VSTM2B: variants seen among roughly 807,000 people sequenced by gnomAD.
VSTM2B encodes V-set and transmembrane domain-containing protein 2B.
VSTM2B carries 24 observed loss-of-function variants against 24.0 expected under a neutral mutation model. That is an observed-to-expected ratio of 1.00 (90% CI 0.72 to 1.40). The LOEUF (loss-of-function observed/expected upper bound fraction) is 1.40. VSTM2B is among the 40% of genes most tolerant of loss of function. VSTM2B has a pLI of 0.00. For synonymous variants in VSTM2B, 226 were observed against 194.4 expected (o/e 1.16, Z -1.35); for missense variants, 399 against 416.4 (o/e 0.96, Z 0.36).
At chr19:29,539,752 G>A (rs1969981037) in intron 4 of VSTM2B, among the ~76,000 whole-genome samples, 1 of 152,282 alleles carries the variant, frequency 6.6e-6, no homozygotes, top group South Asian at 2.1e-4. Context: ...CGAGGCTAGT[G>A]AGAAGAATGC....
chr19:29,530,431 G>A (rs1969723737), intron 4 of VSTM2B, 141 bp downstream of exon 4: 2 of 711,046 alleles, frequency 2.8e-6, no homozygotes, highest in Admixed American at 9.1e-5. Flanking sequence ...GTTAGGTCGG[G>A]AGCGCCCCCC....
At position 29,526,509 on chromosome 19, in the gene VSTM2B, G is replaced by C. The variant is rs1969570178; in HGVS notation, c.-75G>C. 3 of 1,246,894 alleles carry C rather than the reference G, an allele frequency of 2.4e-6. No homozygotes were observed. Among genetic ancestry groups the C allele is most frequent in the Non-Finnish European group, 3.2e-6 (3 of 938,052 alleles). The allele number at this position is 1,246,894 out of a possible 1,614,324, so 77.2% of individuals were successfully genotyped here. The stretch of plus-strand genomic sequence containing the variant: ...GCTCGGAGGCGTCCTAGCCCGAGCC[G>C]GAGCCGATCCGAGCCCACGCGGCCG... On this transcript the variant is annotated 5_prime_UTR_variant, in exon 1 of 5. Transcript: ENST00000335523. This position sits in a 1 kb window ranked among gnomAD's most constrained non-coding sequence, Gnocchi z 4.1.
chr19:29,544,117 A>C (rs1414496274), intron 4 of VSTM2B, among the ~76,000 whole-genome samples: 1 of 148,902 alleles, frequency 6.7e-6, no homozygotes, highest in Non-Finnish European at 1.5e-5. Flanking sequence ...ATATATACCT[A>C]TATATATATA....
chr19:29,528,699 G>T (rs1969647272), intron 3 of VSTM2B, among the ~76,000 whole-genome samples: 1 of 152,250 alleles, frequency 6.6e-6, no homozygotes, highest in Admixed American at 6.5e-5. Context: ...CCCTAATTCG[G>T]CTCGGCGCTG....
chr19:29,537,727 A>C (rs1599883692), intron 4 of VSTM2B, among the ~76,000 whole-genome samples: 1 of 99,290 alleles, frequency 1.0e-5, no homozygotes, highest in Non-Finnish European at 2.0e-5. Context: ...TCCCGCACCC[A>C]CCTACTCTCC....
chr19:29,552,778 T>A (rs1970316000), intron 4 of VSTM2B, among the ~76,000 whole-genome samples: 1 of 152,166 alleles, frequency 6.6e-6, no homozygotes. Context: ...CCCCTGCCAG[T>A]ACTGGGGAGA....
In VSTM2B at chr19:29,526,643, C is replaced by A. The variant is rs1213966113; in HGVS notation, c.60C>A (p.Ala20=). Residue 20 remains alanine (A), a synonymous_variant, in exon 1 of 5, where the codon GCC becomes GCA. Coordinates refer to ENST00000335523, the MANE Select transcript of VSTM2B (RefSeq NM_001146339.2). This position sits in a 1 kb window ranked among gnomAD's most constrained non-coding sequence, Gnocchi z 4.1. The part of the protein sequence containing the change: ...LGYLPPLLLH[A]LLLFVADAAF... Reference sequence around the variant, plus strand: ...ACCTGCCGCCTCTGCTGCTGCATGCCCTGCTGCTCTTCGTGGCCGACGGTG... The same window carrying A: ...ACCTGCCGCCTCTGCTGCTGCATGCACTGCTGCTCTTCGTGGCCGACGGTG... The A allele has an allele frequency of 6.5e-7, 1 of 1,530,298 alleles. No individual in the cohort carries two copies. The highest frequency in any genetic ancestry group is 8.7e-7 in the Non-Finnish European group (1 of 1,143,658). The allele number at this position is 1,530,298 out of a possible 1,614,324, so 94.8% of individuals were successfully genotyped here. A position where few individuals can be genotyped will look rare whatever the true frequency, so the allele number is the denominator to read the frequency against.
rs11672666 is a variant in VSTM2B at position 29,529,280 on chromosome 19, C to T, written c.298-539C>T. Among the ~76,000 whole-genome samples, 12 of 152,186 alleles carry T rather than the reference C, an allele frequency of 7.9e-5. No homozygotes were observed. The South Asian group carries it at 2.5e-3, about 31-fold the overall frequency. On this transcript the variant is annotated intron_variant, in intron 3 of 4. Coordinates refer to ENST00000335523, the MANE Select transcript of VSTM2B (RefSeq NM_001146339.2). ...CGTTGCTTGCCTTCTTAAGAAAGCACAGTGTTAGCTGTAAAGGGCGGGGTC... is the reference window on the plus strand; with the variant it reads ...CGTTGCTTGCCTTCTTAAGAAAGCATAGTGTTAGCTGTAAAGGGCGGGGTC...
chr19:29,561,422 G>A (rs1389931102), intron 4 of VSTM2B, among the ~76,000 whole-genome samples: 3 of 152,100 alleles, frequency 2.0e-5, no homozygotes, highest in Non-Finnish European at 4.4e-5. Flanking sequence ...TCAGGAGTTC[G>A]AGACAAGCCT....
Position 29,563,992 on chromosome 19 carries a change from G to A in VSTM2B, c.*58G>A, listed in dbSNP as rs563274202. 2.2e-6 allele frequency: 3 copies of A among 1,385,576 alleles called. No homozygotes were observed. The highest frequency in any genetic ancestry group is 1.8e-4 in the Middle Eastern group (1 of 5,674). The allele number at this position is 1,385,576 out of a possible 1,614,324, so 85.8% of individuals were successfully genotyped here. A position where few individuals can be genotyped will look rare whatever the true frequency, so the allele number is the denominator to read the frequency against. Reference sequence around the variant, plus strand: ...GCACATGACCTGCCCGGGGCCCTCGGTGAGGACCATGTCGCTGGATGGACA... The same window carrying A: ...GCACATGACCTGCCCGGGGCCCTCGATGAGGACCATGTCGCTGGATGGACA... On this transcript the variant is annotated 3_prime_UTR_variant, in exon 5 of 5. Coordinates refer to ENST00000335523, the MANE Select transcript of VSTM2B (RefSeq NM_001146339.2).
intron 4 of VSTM2B, among the ~76,000 whole-genome samples, chr19:29,540,889 G>T (rs1351451690): frequency 1.3e-5 from 2 of 152,180 alleles, no homozygotes; most frequent in Non-Finnish European, 2.9e-5. Flanking sequence ...ATTTGACCCA[G>T]TCAGGGAAGG....
intron 4 of VSTM2B, among the ~76,000 whole-genome samples, chr19:29,538,630 G>A (rs1041231595): frequency 3.3e-5 from 5 of 152,206 alleles, no homozygotes; most frequent in African/African-American, 1.2e-4. Flanking sequence ...AGTTCTGCAG[G>A]CTGTGCAAGC....
chr19:29,541,933 G>A (rs569501255), intron 4 of VSTM2B, among the ~76,000 whole-genome samples: 3 of 151,886 alleles, frequency 2.0e-5, no homozygotes, highest in Admixed American at 6.6e-5. Flanking sequence ...GTGGATGGGA[G>A]AATGAATGGA....
chr19:29,546,661 C>T (rs1468264224), intron 4 of VSTM2B, among the ~76,000 whole-genome samples: 4 of 151,992 alleles, frequency 2.6e-5, no homozygotes, highest in Non-Finnish European at 4.4e-5. Context: ...TCGCCGTCCC[C>T]GCTGGGGAGC....
intron 4 of VSTM2B, among the ~76,000 whole-genome samples, chr19:29,553,720 G>A (rs1299663051): frequency 6.6e-6 from 1 of 152,144 alleles, no homozygotes; most frequent in Non-Finnish European, 1.5e-5. Context: ...AGTTTAGAGA[G>A]GAACCGAAAT....
At position 29,529,873 on chromosome 19, in the gene VSTM2B, C is replaced by A; in HGVS notation, c.352C>A (p.Arg118=). The A allele has an allele frequency of 1.9e-6, 3 of 1,550,156 alleles. No individual in the cohort carries two copies. The highest frequency in any genetic ancestry group is 2.6e-6 in the Non-Finnish European group (3 of 1,146,776). The part of the protein sequence containing the change: ...ISHRLRLSAV[R]LQDEGVYECR... ...ACACCGGCTTCGGCTGTCTGCCGTG[C>A]GGCTGCAGGACGAGGGCGTGTACGA... The change falls in exon 4 of 5, where the codon CGG becomes AGG. Residue 118 remains arginine, a synonymous_variant. Coordinates refer to ENST00000335523, the MANE Select transcript of VSTM2B (RefSeq NM_001146339.2).
chr19:29,544,384 G>T lies in VSTM2B; in HGVS notation c.769+14094G>T, dbSNP rs138159104. On this transcript the variant is annotated intron_variant, in intron 4 of 4. Coordinates refer to ENST00000335523, the MANE Select transcript of VSTM2B (RefSeq NM_001146339.2). ...TACTGAAAATATAAAAAATTAGCCG[G>T]GCTTGGTGGCGGGCACCTGTAATCC... Among the ~76,000 whole-genome samples, 555 of 151,398 alleles carry T rather than the reference G, an allele frequency of 3.7e-3. 24 individuals are homozygous for T. In the East Asian group the frequency reaches 0.092, roughly 25 times the overall value.
chr19:29,535,832 C>G (rs912553569), intron 4 of VSTM2B, among the ~76,000 whole-genome samples: 1 of 152,200 alleles, frequency 6.6e-6, no homozygotes, highest in East Asian at 1.9e-4. Context: ...ATTGAGGCAG[C>G]CACCTGGTTT....
chr19:29,554,888 A>G (rs1036497031), intron 4 of VSTM2B, among the ~76,000 whole-genome samples: 11 of 152,348 alleles, frequency 7.2e-5, no homozygotes, highest in African/African-American at 2.2e-4. Context: ...ACATGCACCC[A>G]ATACAGGAGT....
Sources: gnomAD v4.1 joint callset for allele counts (sites outside exome capture counted in the v4.1 genomes callset) on GRCh38, gnomAD v4.1.1 for gene constraint, Gnocchi (gnomAD v3.1) non-coding constraint, MANE v1.5 for transcripts, NCBI Gene and HGNC (gene_info 2026-07-23, HGNC 2026-07-21) for gene names.